GLDN: variants seen among roughly 807,000 people sequenced by gnomAD.
The protein encoded by GLDN is gliomedin.
Under a neutral mutation model 56.5 loss-of-function variants are expected in GLDN, and 47 were observed. The observed-to-expected ratio is 0.83, with a 90% CI of 0.66 to 1.06. The LOEUF (loss-of-function observed/expected upper bound fraction) is 1.06, where lower values mean the gene tolerates loss of function less well. GLDN is among the 50% of genes least tolerant of loss of function. The pLI, the probability that GLDN is intolerant of heterozygous loss-of-function variation, is 0.00. For missense variants in GLDN, 782 were observed against 714.3 expected (o/e 1.09, Z -1.08); for synonymous variants, 332 against 278.8 (o/e 1.19, Z -1.90).
intron 7 of GLDN, 49 bp downstream of exon 7, chr15:51,400,324 C>T (rs748704334): frequency 6.2e-7 from 1 of 1,614,026 alleles, no homozygotes; most frequent in Admixed American, 1.7e-5. Flanking sequence ...TGAATACCTT[C>T]AAGTCATAAT....
chr15:51,353,714 T>TAAAA (rs1555401993), intron 1 of GLDN, among the ~76,000 whole-genome samples: 2 of 72,148 alleles, frequency 2.8e-5, no homozygotes, highest in African/African-American at 8.8e-5. Context: ...CGGATTTGAT[T>TAAAA]AAAAAAAAAA....
intron 1 of GLDN, 144 bp downstream of exon 1, chr15:51,342,191 C>A: frequency 9.4e-7 from 1 of 1,059,684 alleles, no homozygotes; most frequent in Non-Finnish European, 1.4e-6. Context: ...CTGGGGATGT[C>A]ACCTTGGCAA....
In GLDN at chr15:51,341,940, C is replaced by A; in HGVS notation, c.256C>A (p.Pro86Thr). 1 of 1,597,072 alleles carries A rather than the reference C, an allele frequency of 6.3e-7. No homozygotes were observed. Among genetic ancestry groups the A allele is most frequent in the African/African-American group, 1.3e-5 (1 of 74,934 alleles). The change falls in exon 1 of 10, where the codon CCG (proline) becomes ACG (threonine). Residue 86 changes from proline (P) to threonine (T), a missense_variant. Coordinates refer to ENST00000335449, the MANE Select transcript of GLDN (RefSeq NM_181789.4). ...CGGGGCGTCCGCACCACCCCAAGAC[C>A]CGGCCAGCTCAGCTCGCAACAAGCG... ...PRGASAPPQD[P>T]ASSARNKRSH... is the part of the protein sequence containing the mutation.
At chr15:51,385,699 C>A (rs2037876455) in intron 4 of GLDN, 1 of 152,146 alleles carries the variant, frequency 6.6e-6, no homozygotes, top group Admixed American at 6.5e-5. Context: ...GAGCAAATAC[C>A]AAGAGGAGGT....
intron 3 of GLDN, 35 bp downstream of exon 3, chr15:51,383,488 G>A (rs1403726015): frequency 1.2e-6 from 2 of 1,612,216 alleles, no homozygotes; most frequent in South Asian, 2.2e-5. Context: ...TCAAGGGGAG[G>A]CTGTGGGTGG....
At position 51,400,511 on chromosome 15, in the gene GLDN, G is replaced by A. The variant is rs776291474; in HGVS notation, c.1027+13G>A. The A allele has an allele frequency of 3.0e-5, 49 of 1,613,256 alleles. No individual in the cohort carries two copies. Among genetic ancestry groups the A allele is most frequent in the South Asian group, 4.4e-5 (4 of 90,894 alleles). On this transcript the variant is annotated intron_variant, in intron 8 of 9. Transcript: ENST00000335449. ...GAGCATTTTTCAGGTACTTGCACTC[G>A]GCCTATGACCCATATCTGTGTGGTA...
intron 1 of GLDN, among the ~76,000 whole-genome samples, chr15:51,356,115 C>T (rs77481875): frequency 0.023 from 3,533 of 151,128 alleles, 63 homozygotes; most frequent in Middle Eastern, 0.099. Context: ...GCTGAGGCAG[C>T]GGACTGTCTT....
rs750218696 is a variant in GLDN, at chr15:51,397,592, T to G, written c.811T>G (p.Cys271Gly). The change falls in exon 6 of 10, where the codon TGC (cysteine) becomes GGC (glycine). Residue 271 changes from cysteine to glycine, a missense_variant. Transcript: ENST00000335449. ...PRQPSMFNGQ[C>G]PGETCAIPND... ...GCAGCCAAGCATGTTCAACGGCCAGTGCCCAGGTCACCACCTCTCCCCTAC... is the reference window on the plus strand; with the variant it reads ...GCAGCCAAGCATGTTCAACGGCCAGGGCCCAGGTCACCACCTCTCCCCTAC... The G allele has an allele frequency of 6.3e-7, 1 of 1,592,292 alleles. No homozygotes were observed. The highest frequency in any genetic ancestry group is 1.1e-5 in the South Asian group (1 of 87,878).
downstream of GLDN, among the ~76,000 whole-genome samples, chr15:51,410,357 A>G (rs1346333560): frequency 1.3e-5 from 2 of 152,224 alleles, no homozygotes; most frequent in South Asian, 2.1e-4. Flanking sequence ...CAGCCCCTAC[A>G]GAAATGGTCA....
At chr15:51,373,046 C>T (rs932056093) in intron 1 of GLDN, among the ~76,000 whole-genome samples, 24 of 152,158 alleles carry the variant, frequency 1.6e-4, no homozygotes, top group African/African-American at 5.6e-4. Flanking sequence ...CTTTAGGCCC[C>T]ACCTCCCAAC....
intron 1 of GLDN, among the ~76,000 whole-genome samples, chr15:51,363,310 T>C (rs2037338070): frequency 2.0e-5 from 3 of 152,212 alleles, no homozygotes; most frequent in Admixed American, 2.0e-4. Context: ...AAGTCCTTTA[T>C]AAACAACAAA....
intron 1 of GLDN, among the ~76,000 whole-genome samples, chr15:51,345,384 C>G (rs1441245165): frequency 6.6e-6 from 1 of 152,214 alleles, no homozygotes; most frequent in Non-Finnish European, 1.5e-5. Flanking sequence ...GTATGCATTT[C>G]TACGCCCAGG....
chr15:51,412,896 T>C (rs2038482059), downstream of GLDN, among the ~76,000 whole-genome samples: 2 of 152,232 alleles, frequency 1.3e-5, no homozygotes, highest in African/African-American at 4.8e-5. Flanking sequence ...GTCTATGAGC[T>C]TAAAATATTT....
At chr15:51,351,369 GC>G (rs1468149059) in intron 1 of GLDN, among the ~76,000 whole-genome samples, 2 of 152,134 alleles carry the variant, frequency 1.3e-5, no homozygotes, top group African/African-American at 4.8e-5. Flanking sequence ...CTGCCACTAT[GC>G]CGGGGAAAAA....
intron 9 of GLDN, among the ~76,000 whole-genome samples, chr15:51,403,572 A>G (rs1271971456): frequency 2.0e-5 from 3 of 152,194 alleles, no homozygotes; most frequent in Admixed American, 6.5e-5. Context: ...GGAATCTGTC[A>G]AATCATACAG....
At chr15:51,372,879 G>A (rs1001124427) in intron 1 of GLDN, among the ~76,000 whole-genome samples, 24 of 152,100 alleles carry the variant, frequency 1.6e-4, no homozygotes, top group Non-Finnish European at 3.2e-4. Flanking sequence ...TCTGGAGGCT[G>A]GGAAGTCCAA....
chr15:51,355,792 G>GGATT (rs1474104401), intron 1 of GLDN, among the ~76,000 whole-genome samples: 2 of 150,146 alleles, frequency 1.3e-5, no homozygotes, highest in Non-Finnish European at 3.0e-5. Flanking sequence ...CAAAGTGCTG[G>GGATT]GATTACAGGC....
At position 51,397,485 on chromosome 15, in the gene GLDN, A is replaced by G. The variant is rs1403670600; in HGVS notation, c.704A>G (p.Gln235Arg). The change falls in exon 6 of 10, where the codon CAA becomes CGA. Residue 235 changes from glutamine (Q) to arginine (R), a missense_variant. Gln to Arg is a conservative substitution (Grantham distance 43). Coordinates refer to ENST00000335449, the MANE Select transcript of GLDN (RefSeq NM_181789.4). ...DVLLAGAKGD[Q>R]GPPGPPGPPG... is the part of the protein sequence containing the mutation. The stretch of plus-strand genomic sequence containing the variant: ...CTCTCTCCAGGTGCCAAAGGTGACC[A>G]AGGCCCACCCGGTCCACCTGGGCCC... The G allele has an allele frequency of 2.6e-6, 4 of 1,537,460 alleles. No individual in the cohort carries two copies. In the East Asian group the frequency reaches 7.4e-5, roughly 28 times the overall value.
At chr15:51,409,627 T>G (rs2038444633), downstream of GLDN, among the ~76,000 whole-genome samples, 1 of 152,222 alleles carries the variant, frequency 6.6e-6, no homozygotes, top group Non-Finnish European at 1.5e-5. Flanking sequence ...CCAAGCCGCT[T>G]GCCCAGAGGC....
Sources: allele counts gnomAD v4.1 joint callset (sites outside exome capture counted in the v4.1 genomes callset), GRCh38; gene constraint gnomAD v4.1.1; transcripts MANE v1.5; gene names NCBI Gene and HGNC (gene_info 2026-07-23, HGNC 2026-07-21).